The following SLC7A5 variants were observed in gnomAD, a reference collection of about 807,000 sequenced individuals.
SLC7A5 encodes large neutral amino acids transporter small subunit 1.
A neutral mutation model predicts 50.2 loss-of-function variants in SLC7A5; 23 were observed. The observed-to-expected ratio is 0.46, with a 90% CI of 0.33 to 0.65. The LOEUF is 0.65. SLC7A5 is among the 30% of genes least tolerant of loss of function. SLC7A5 has a pLI of 0.02. For synonymous variants in SLC7A5, 393 were observed against 330.6 expected (o/e 1.19, Z -2.05); for missense variants, 578 against 684.4 (o/e 0.84, Z 1.73).
At chr16:87,856,616 G>T (rs2055324611) in intron 1 of SLC7A5, among the ~76,000 whole-genome samples, 1 of 152,242 alleles carries the variant, frequency 6.6e-6, no homozygotes, top group South Asian at 2.1e-4. Flanking sequence ...CTCTGCAGCT[G>T]GCTGGGGCTC....
rs985851189 is a variant in SLC7A5, at chr16:87,852,467, A to T, written c.539-618T>A. The stretch of plus-strand genomic sequence containing the variant: ...TGCTGCCCTGCTGCTTTGGGGGCAT[A>T]CGATGAAACCCAAAATAGCACCGTG... On this transcript the variant is annotated intron_variant, in intron 1 of 9. Transcript: ENST00000261622. The surrounding 1 kb of genome is among the most constrained non-coding windows in gnomAD (Gnocchi z 4.5). Among the ~76,000 whole-genome samples, 5 of 152,222 alleles carry T rather than the reference A, an allele frequency of 3.3e-5. No homozygotes were observed. Among genetic ancestry groups the T allele is most frequent in the Non-Finnish European group, 7.4e-5 (5 of 68,000 alleles).
intron 2 of SLC7A5, among the ~76,000 whole-genome samples, chr16:87,845,435 C>T (rs1442923216): frequency 2.0e-5 from 3 of 151,946 alleles, no homozygotes; most frequent in Admixed American, 6.5e-5. Context: ...AGTCCACGCC[C>T]ACCCCAGAGT....
intron 1 of SLC7A5, 21 bp from the exon 2 acceptor site, chr16:87,851,870 G>A (rs202174936): frequency 2.1e-5 from 34 of 1,612,418 alleles, no homozygotes; most frequent in Admixed American, 1.3e-4. Context: ...AGAGGGCAGC[G>A]GTGAGTTCCA....
At chr16:87,848,416 C>A (rs1402184553) in intron 2 of SLC7A5, among the ~76,000 whole-genome samples, 1 of 152,246 alleles carries the variant, frequency 6.6e-6, no homozygotes, top group Non-Finnish European at 1.5e-5. Flanking sequence ...GCCCAGCCAC[C>A]CTCTCCTTAG....
intron 2 of SLC7A5, among the ~76,000 whole-genome samples, chr16:87,847,854 GAC>G (rs1300806602): frequency 9.2e-5 from 14 of 152,272 alleles, no homozygotes; most frequent in African/African-American, 3.1e-4. Context: ...ACTGTCACGT[GAC>G]ACACAAATGC....
intron 1 of SLC7A5, among the ~76,000 whole-genome samples, chr16:87,854,241 G>C (rs2055284782): frequency 6.6e-6 from 1 of 152,150 alleles, no homozygotes; most frequent in South Asian, 2.1e-4. Flanking sequence ...GGGTCTTGAA[G>C]TCAGGTGGGG....
Position 87,861,355 on chromosome 16 carries a change from C to T in SLC7A5, c.538+7530G>A, listed in dbSNP as rs2055395902. ...CCTTACCTGGGCCGACTGGGCCACC[C>T]AGTCTTGCTGACTGACACCTCCCCA... On this transcript the variant is annotated intron_variant, in intron 1 of 9. Coordinates refer to ENST00000261622, the MANE Select transcript of SLC7A5 (RefSeq NM_003486.7). This position sits in a 1 kb window ranked among gnomAD's most constrained non-coding sequence, Gnocchi z 4.2. 6.6e-6 allele frequency among the ~76,000 whole-genome samples: 1 copy of T among 152,160 alleles called. No individual in the cohort carries two copies. Among genetic ancestry groups the T allele is most frequent in the Admixed American group, 6.5e-5 (1 of 15,282 alleles).
Position 87,854,567 on chromosome 16 carries a change from C to G in SLC7A5, c.539-2718G>C, listed in dbSNP as rs376327238. Among the ~76,000 whole-genome samples, 5 of 152,362 alleles carry G rather than the reference C, an allele frequency of 3.3e-5. No homozygotes were observed. The East Asian group carries it at 9.6e-4, about 29-fold the overall frequency. On this transcript the variant is annotated intron_variant, in intron 1 of 9. Coordinates refer to ENST00000261622, the MANE Select transcript of SLC7A5 (RefSeq NM_003486.7). The stretch of plus-strand genomic sequence containing the variant: ...CCATGGAGGGGCTGCTGGCTGCCCC[C>G]ACAGCAGGGAGATCGACAGGGCTGT...
intron 2 of SLC7A5, among the ~76,000 whole-genome samples, chr16:87,849,922 C>A (rs973912794): frequency 6.6e-6 from 1 of 152,174 alleles, no homozygotes; most frequent in African/African-American, 2.4e-5. Context: ...AGTGGGACTT[C>A]CCCTCGACGA....
chr16:87,844,172 C>T (rs999196637), intron 2 of SLC7A5, among the ~76,000 whole-genome samples: 4 of 150,804 alleles, frequency 2.7e-5, no homozygotes, highest in Admixed American at 2.0e-4. Context: ...CTGAGTGGGG[C>T]CCTCCAGCCC....
chr16:87,833,154 T>G lies in SLC7A5; in HGVS notation c.1469-129A>C. On this transcript the variant is annotated intron_variant, in intron 9 of 9. Transcript: ENST00000261622. The surrounding 1 kb of genome is among the most constrained non-coding windows in gnomAD (Gnocchi z 6.0). Reference sequence around the variant, plus strand: ...CAGCGCCGCTGCCCAGCGCTGGGATTTTAAGGAACCTTCCCTTGTGTACTT... The same window carrying G: ...CAGCGCCGCTGCCCAGCGCTGGGATGTTAAGGAACCTTCCCTTGTGTACTT... 1 of 795,284 alleles carries G rather than the reference T, an allele frequency of 1.3e-6. No individual in the cohort carries two copies. 49.3% of individuals were successfully genotyped at this position (795,284 alleles called of 1,614,324 possible).
intron 2 of SLC7A5, among the ~76,000 whole-genome samples, chr16:87,846,656 C>T (rs932012913): frequency 3.9e-5 from 6 of 152,192 alleles, no homozygotes; most frequent in Non-Finnish European, 5.9e-5. Context: ...CCGAGCACCC[C>T]GCCCAGGGCA....
intron 7 of SLC7A5, chr16:87,836,937 G>A (rs2055013460): frequency 2.1e-6 from 1 of 475,268 alleles, no homozygotes; most frequent in Non-Finnish European, 3.9e-6. Flanking sequence ...AAGGACAGGT[G>A]AAGAACACAG....
At chr16:87,834,379 G>A in intron 9 of SLC7A5, 35 bp downstream of exon 9, 1 of 1,548,374 alleles carries the variant, frequency 6.5e-7, no homozygotes, top group Non-Finnish European at 8.7e-7. Flanking sequence ...CCAGGGCAGA[G>A]GGTACCACGG....
chr16:87,851,656 A>G, intron 2 of SLC7A5, 68 bp downstream of exon 2: 1 of 1,576,922 alleles, frequency 6.3e-7, no homozygotes, highest in Non-Finnish European at 8.7e-7. Flanking sequence ...ACGGGACCTC[A>G]TGCCCTGTGA....
chr16:87,869,327 C>G lies in SLC7A5; in HGVS notation c.96G>C (p.Ala32=), dbSNP rs776492185. Residue 32 remains alanine (A), a synonymous_variant, in exon 1 of 10, where the codon GCG becomes GCC. Transcript: ENST00000261622. ...AREKMLAAKS[A]DGSAPAGEGE... ...CCTCGCCTGCCGGCGCCGAGCCGTCCGCGCTCTTGGCGGCCAGCATCTTCT... is the reference window on the plus strand; with the variant it reads ...CCTCGCCTGCCGGCGCCGAGCCGTCGGCGCTCTTGGCGGCCAGCATCTTCT... The G allele has an allele frequency of 4.3e-6, 7 of 1,610,250 alleles. No individual in the cohort carries two copies. The highest frequency in any genetic ancestry group is 5.9e-6 in the Non-Finnish European group (7 of 1,179,340).
chr16:87,832,840 G>C lies in SLC7A5; in HGVS notation c.*130C>G. The C allele has an allele frequency of 1.3e-6, 1 of 783,074 alleles. No individual in the cohort carries two copies. The highest frequency in any genetic ancestry group is 2.3e-6 in the Non-Finnish European group (1 of 437,342). 48.5% of individuals were successfully genotyped at this position (783,074 alleles called of 1,614,324 possible). A position where few individuals can be genotyped will look rare whatever the true frequency, so the allele number is the denominator to read the frequency against. On this transcript the variant is annotated 3_prime_UTR_variant, in exon 10 of 10. Transcript: ENST00000261622. This position sits in a 1 kb window ranked among gnomAD's most constrained non-coding sequence, Gnocchi z 4.6. ...CACAGCAGCCTCCACTGCCCGACCT[G>C]GGAGGGACGGCGAGGGACTGGGATG... is the stretch of plus-strand genomic sequence containing the variant.
At chr16:87,834,321 GC>G (rs1417681339) in intron 9 of SLC7A5, 92 bp downstream of exon 9, 1 of 1,265,876 alleles carries the variant, frequency 7.9e-7, no homozygotes, top group Non-Finnish European at 1.1e-6. Flanking sequence ...AACACGCTTC[GC>G]CCCATGTGGG....
At chr16:87,863,233 G>A (rs1475359824) in intron 1 of SLC7A5, among the ~76,000 whole-genome samples, 3 of 152,184 alleles carry the variant, frequency 2.0e-5, no homozygotes, top group Non-Finnish European at 2.9e-5. Context: ...CCTCCCTGGA[G>A]GTGGAAGCCC....
Sources: allele counts gnomAD v4.1 joint callset (sites outside exome capture counted in the v4.1 genomes callset), GRCh38; gene constraint gnomAD v4.1.1; non-coding constraint Gnocchi (gnomAD v3.1); transcripts MANE v1.5; gene names NCBI Gene and HGNC (gene_info 2026-07-23, HGNC 2026-07-21).